Variants in THAP7 observed in about 807,000 individuals in gnomAD.
The protein encoded by THAP7 is THAP domain-containing protein 7.
THAP7 carries 22 observed loss-of-function variants against 29.2 expected under a neutral mutation model. That is an observed-to-expected ratio of 0.75 (90% confidence interval 0.54 to 1.08). The LOEUF is 1.08. THAP7 is among the 50% of genes least tolerant of loss of function. The probability of loss-of-function intolerance (pLI) is 0.00; values close to 1 mark genes in which losing one functional copy is unlikely to be tolerated. For missense variants in THAP7, 448 were observed against 416.2 expected (o/e 1.08, Z -0.66); for synonymous variants, 208 against 173.4 (o/e 1.20, Z -1.57).
intron 1 of THAP7, 124 bp downstream of exon 1, chr22:21,001,708 T>C (rs11556174): frequency 2.7e-6 from 3 of 1,130,658 alleles, no homozygotes; most frequent in Non-Finnish European, 2.4e-6. Context: ...CCGCTTCACC[T>C]CCCACCCACA....
chr22:20,999,338 T>C lies in THAP7; in HGVS notation c.*542A>G, dbSNP rs532989435. On this transcript the variant is annotated 3_prime_UTR_variant, in exon 4 of 4. Transcript: ENST00000215742. The stretch of plus-strand genomic sequence containing the variant: ...GTCATCATCATCCCCGTTTTTCAAA[T>C]AGAGATGGTAGTGAAGGGGGCGGGG... The C allele has an allele frequency of 9.8e-4, 150 of 153,000 alleles. No homozygotes were observed. The highest frequency in any genetic ancestry group is 1.9e-3 in the Non-Finnish European group (132 of 68,676). The allele number at this position is 153,000 out of a possible 1,614,324, so 9.5% of individuals were successfully genotyped here. A position where few individuals can be genotyped will look rare whatever the true frequency, so the allele number is the denominator to read the frequency against.
In THAP7 at chr22:21,001,921, A is replaced by T; in HGVS notation, c.-10T>A. The T allele has an allele frequency of 6.4e-7, 1 of 1,558,120 alleles. No homozygotes were observed. Among genetic ancestry groups the T allele is most frequent in the Non-Finnish European group, 8.7e-7 (1 of 1,153,020 alleles). On this transcript the variant is annotated 5_prime_UTR_variant, in exon 1 of 4. Coordinates refer to ENST00000215742, the MANE Select transcript of THAP7 (RefSeq NM_030573.3). ...AGCAGTGACGCGGCATCTGGGAAAG[A>T]GGCGGGAGTTAAGTCGCAAGCGGCT...
At position 20,999,604 on chromosome 22, in the gene THAP7, GCTGA is replaced by G. The variant is rs1391646877; in HGVS notation, c.*272_*275del. On this transcript the variant is annotated 3_prime_UTR_variant, in exon 4 of 4. Coordinates refer to ENST00000215742, the MANE Select transcript of THAP7 (RefSeq NM_030573.3). ...TGGGGCACGGAGCTGCGCTAGCAGGGCTGACTGCCACCTGTCTACCAGTAGCTCT... is the reference window on the plus strand; with the variant it reads ...TGGGGCACGGAGCTGCGCTAGCAGGGCTGCCACCTGTCTACCAGTAGCTCT... The G allele has an allele frequency of 4.0e-6, 2 of 496,426 alleles. No individual in the cohort carries two copies. The highest frequency in any genetic ancestry group is 3.6e-6 in the Non-Finnish European group (1 of 276,536). The allele number at this position is 496,426 out of a possible 1,614,324, so 30.8% of individuals were successfully genotyped here.
At chr22:21,001,809 G>A (rs752765555) in intron 1 of THAP7, 23 bp downstream of exon 1, 1 of 1,542,972 alleles carries the variant, frequency 6.5e-7, no homozygotes, top group East Asian at 2.5e-5. Context: ...GCGCACGTGA[G>A]CCCGCGGCGC....
At chr22:21,001,101 A>G in intron 2 of THAP7, 155 bp downstream of exon 2, 1 of 1,147,552 alleles carries the variant, frequency 8.7e-7, no homozygotes, top group Non-Finnish European at 1.2e-6. Flanking sequence ...TCACAGGCAC[A>G]GTGATCCTGG....
rs1445299327 is a variant in THAP7 at position 21,000,738 on chromosome 22, A to G, written c.286T>C (p.Phe96Leu). ...TTGGTTGTCCGGCGCAACTTGGAGA[A>G]AGACTCAAATATGGTGGGGACTGCC... is the stretch of plus-strand genomic sequence containing the variant. ...EGAVPTIFES[F>L]SKLRRTTKTK... is the part of the protein sequence containing the mutation. The change falls in exon 3 of 4, where the codon TTC becomes CTC. Residue 96 changes from phenylalanine to leucine, a missense_variant. Phe to Leu is a conservative substitution (Grantham distance 22). Transcript: ENST00000215742. 1.2e-6 allele frequency: 2 copies of G among 1,614,164 alleles called. No homozygotes were observed. Among genetic ancestry groups the G allele is most frequent in the Non-Finnish European group, 1.7e-6 (2 of 1,180,022 alleles).
chr22:21,000,258 G>C lies in THAP7; in HGVS notation c.552C>G (p.Ala184=). 1 of 1,557,268 alleles carries C rather than the reference G, an allele frequency of 6.4e-7. No individual in the cohort carries two copies. Among genetic ancestry groups the C allele is most frequent in the Non-Finnish European group, 8.7e-7 (1 of 1,150,190 alleles). The change falls in exon 4 of 4, where the codon GCC becomes GCG. Residue 184 remains alanine (A), a synonymous_variant. Transcript: ENST00000215742. ...CGCTGCAGCCTGCTTCATCTGCCTG[G>C]GCACCCAAGGGGCCCAGTAGGTCTG... ...PFSDLLGPLG[A]QADEAGCSAQ... is the part of the protein sequence containing the mutation.
chr22:21,002,013 G>C lies in THAP7; in HGVS notation c.-102C>G. The C allele has an allele frequency of 8.2e-7, 1 of 1,212,722 alleles. No homozygotes were observed. Among genetic ancestry groups the C allele is most frequent in the Non-Finnish European group, 1.1e-6 (1 of 894,392 alleles). 75.1% of individuals were successfully genotyped at this position (1,212,722 alleles called of 1,614,324 possible). ...CCTCCCCAAGGGGCTCTGGCCTGTC[G>C]GGTCCCCCCCGGCCCGTTGTCGCCC... On this transcript the variant is annotated 5_prime_UTR_variant, in exon 1 of 4. Coordinates refer to ENST00000215742, the MANE Select transcript of THAP7 (RefSeq NM_030573.3).
rs985978243 is a variant in THAP7 at position 20,999,268 on chromosome 22, T to C, written c.*612A>G. On this transcript the variant is annotated 3_prime_UTR_variant, in exon 4 of 4. Transcript: ENST00000215742. ...TCCTAGATTTCCAGGGACTAGCTTGTTGGGGCTTTACTACCTGCTGACATG... is the reference window on the plus strand; with the variant it reads ...TCCTAGATTTCCAGGGACTAGCTTGCTGGGGCTTTACTACCTGCTGACATG... 2 of 152,348 alleles carry C rather than the reference T, an allele frequency of 1.3e-5. No individual in the cohort carries two copies. The highest frequency in any genetic ancestry group is 4.8e-5 in the African/African-American group (2 of 41,418). 9.4% of individuals were successfully genotyped at this position (152,348 alleles called of 1,614,324 possible).
At chr22:21,000,555 C>T (rs1379935042) in intron 3 of THAP7, 92 bp downstream of exon 3, 1 of 1,590,060 alleles carries the variant, frequency 6.3e-7, no homozygotes, top group South Asian at 1.1e-5. Flanking sequence ...GTAGCAAGAA[C>T]CCTGTCCAGC....
Position 21,000,048 on chromosome 22 carries a change from G to C in THAP7, c.762C>G (p.Ala254=). 1 of 1,612,978 alleles carries C rather than the reference G, an allele frequency of 6.2e-7. No individual in the cohort carries two copies. Residue 254 remains alanine (A), a synonymous_variant, in exon 4 of 4, where the codon GCC becomes GCG. Coordinates refer to ENST00000215742, the MANE Select transcript of THAP7 (RefSeq NM_030573.3). ...AEAALDALDK[A]QRQLQACKRR... The stretch of plus-strand genomic sequence containing the variant: ...GCTTGCAGGCCTGCAGCTGGCGCTG[G>C]GCCTTGTCAAGGGCATCAAGGGCTG...
chr22:21,001,852 G>C lies in THAP7; in HGVS notation c.60C>G (p.Asn20Lys), dbSNP rs765322094. 6.4e-7 allele frequency: 1 copy of C among 1,562,132 alleles called. No homozygotes were observed. Among genetic ancestry groups the C allele is most frequent in the Non-Finnish European group, 8.7e-7 (1 of 1,155,202 alleles). ...CTGACCTGTGGAAGGAGATGCCGCG[G>C]TTGCGCGTCTCGCGCGTGTCCCGTG... ...CCTRDTRETR[N>K]RGISFHRLPK... The change falls in exon 1 of 4, where the codon AAC (asparagine) becomes AAG (lysine). Residue 20 changes from asparagine to lysine, a missense_variant. Physicochemically the swap from Asn to Lys is moderately conservative, Grantham distance 94 (BLOSUM62 0). Transcript: ENST00000215742.
In THAP7 at chr22:21,000,392, G is replaced by A. The variant is rs1167105856; in HGVS notation, c.418C>T (p.Pro140Ser). Residue 140 changes from proline (P) to serine (S), a missense_variant, in exon 4 of 4, where the codon CCT (proline) becomes TCT (serine). By Grantham distance (74) the Pro-to-Ser change is moderately conservative (BLOSUM62 -1). Transcript: ENST00000215742. The part of the protein sequence containing the change: ...GRGPTTPFSP[P>S]PPADVTCFPV... ...AAGCAGGTGACATCAGCAGGTGGAGGTGGAGAAAATGGAGTTGTGGGCCCT... is the reference window on the plus strand; with the variant it reads ...AAGCAGGTGACATCAGCAGGTGGAGATGGAGAAAATGGAGTTGTGGGCCCT... 4.5e-6 allele frequency: 7 copies of A among 1,553,666 alleles called. No individual in the cohort carries two copies. Among genetic ancestry groups the A allele is most frequent in the African/African-American group, 4.1e-5 (3 of 73,312 alleles).
chr22:21,000,177 G>A lies in THAP7; in HGVS notation c.633C>T (p.Pro211=), dbSNP rs1322061148. The part of the protein sequence containing the change: ...PSPLEPRPVS[P]SAYMLRLPPP... ...GGGGCAGGCGCAGCATATACGCTGA[G>A]GGGGAGACTGGCCGTGGTTCGAGAG... is the stretch of plus-strand genomic sequence containing the variant. Residue 211 remains proline (P), a synonymous_variant, in exon 4 of 4, where the codon CCC becomes CCT. Transcript: ENST00000215742. The A allele has an allele frequency of 3.8e-6, 6 of 1,569,226 alleles. No individual in the cohort carries two copies. Among genetic ancestry groups the A allele is most frequent in the South Asian group, 3.5e-5 (3 of 86,714 alleles).
intron 3 of THAP7, 28 bp downstream of exon 3, chr22:21,000,619 T>G (rs755579615): frequency 5.0e-6 from 8 of 1,612,974 alleles, no homozygotes; most frequent in East Asian, 4.5e-5. Flanking sequence ...GGGGTGGGAG[T>G]GGGGCATCCC....
chr22:21,001,877 G>A lies in THAP7; in HGVS notation c.35C>T (p.Thr12Ile), dbSNP rs1925192359. 2.5e-6 allele frequency: 4 copies of A among 1,573,396 alleles called. No homozygotes were observed. The East Asian group carries it at 7.1e-5, about 28-fold the overall frequency. Residue 12 changes from threonine to isoleucine, a missense_variant, in exon 1 of 4, where the codon ACA becomes ATA. Thr to Ile is a moderately conservative substitution (Grantham distance 89). Coordinates refer to ENST00000215742, the MANE Select transcript of THAP7 (RefSeq NM_030573.3). ...GTTGCGCGTCTCGCGCGTGTCCCGT[G>A]TGCAGCAGCCGGCGGCGGAGCAGTG... Reference protein sequence around the residue: ...PRHCSAAGCCTRDTRETRNRG... With the variant: ...PRHCSAAGCCIRDTRETRNRG...
chr22:21,000,314 TC>T lies in THAP7; in HGVS notation c.495del (p.Arg166GlyfsTer105), dbSNP rs1203855650. On this transcript the variant is annotated frameshift_variant, in exon 4 of 4. Transcript: ENST00000215742. LOFTEE classifies it high-confidence loss of function. Reference protein sequence around the residue: ...APATLPASPAGRLEPGLSSPF... With the variant: ...APATLPASPAXRLEPGLSSPF... ...GGGCTGCTAAGGCCAGGCTCCAGCCTCCCAGCTGGGGAGGCCGGCAAAGTGG... is the reference window on the plus strand; with the variant it reads ...GGGCTGCTAAGGCCAGGCTCCAGCCTCCAGCTGGGGAGGCCGGCAAAGTGG... The T allele has an allele frequency of 2.6e-6, 4 of 1,555,340 alleles. No homozygotes were observed. Among genetic ancestry groups the T allele is most frequent in the East Asian group, 2.4e-5 (1 of 41,712 alleles).
Position 21,001,243 on chromosome 22 carries a change from C to T in THAP7, c.236+13G>A. On this transcript the variant is annotated intron_variant, in intron 2 of 3. Coordinates refer to ENST00000215742, the MANE Select transcript of THAP7 (RefSeq NM_030573.3). ...CACATCCTACCCCAGCGTCGGCCGG[C>T]AGGGAGGCCCACCTGATTCCCACCA... 1 of 1,610,004 alleles carries T rather than the reference C, an allele frequency of 6.2e-7. No homozygotes were observed. Among genetic ancestry groups the T allele is most frequent in the Non-Finnish European group, 8.5e-7 (1 of 1,176,812 alleles).
chr22:21,001,724 A>G lies in THAP7; in HGVS notation c.80+108T>C. ...CGCTTCACCTCCCACCCACAGGTTCAAGCCTCCTCAGTATCTGAGAAAGGC... is the reference window on the plus strand; with the variant it reads ...CGCTTCACCTCCCACCCACAGGTTCGAGCCTCCTCAGTATCTGAGAAAGGC... On this transcript the variant is annotated intron_variant, in intron 1 of 3. Coordinates refer to ENST00000215742, the MANE Select transcript of THAP7 (RefSeq NM_030573.3). The G allele has an allele frequency of 2.4e-6, 3 of 1,236,516 alleles. No individual in the cohort carries two copies. The South Asian group carries it at 4.5e-5, about 19-fold the overall frequency. 76.6% of individuals were successfully genotyped at this position (1,236,516 alleles called of 1,614,324 possible).
Sources: allele counts gnomAD v4.1 joint callset, GRCh38; gene constraint gnomAD v4.1.1; transcripts MANE v1.5; gene names NCBI Gene and HGNC (gene_info 2026-07-23, HGNC 2026-07-21).